The following CPS1 variants were observed in gnomAD, a reference collection of about 807,000 sequenced individuals.
The protein encoded by CPS1 is carbamoyl-phosphate synthase 1.
Under a neutral mutation model 174.6 loss-of-function variants are expected in CPS1, and 109 were observed. The ratio of observed to expected loss-of-function variants is 0.62; its 90% CI spans 0.53 to 0.73. The LOEUF is 0.73. Ranked by LOEUF, CPS1 falls within the 30% of genes least tolerant of loss-of-function variation. CPS1 has a pLI of 0.00. For synonymous variants in CPS1, 637 were observed against 632.0 expected, an observed-to-expected ratio of 1.01 and a Z score of -0.12; for missense variants, 1,689 against 1,821.9, an observed-to-expected ratio of 0.93 and a Z score of 1.33.
rs1553718831 is a variant in CPS1 at position 210,497,893 on chromosome 2, C to CATATATATATCTAT, written c.3+20137_3+20138insCTATATATATATAT. 3.5e-5 allele frequency among the ~76,000 whole-genome samples: 3 copies of CATATATATATCTAT among 86,942 alleles called. No homozygotes were observed. The East Asian group carries it at 9.9e-4, about 29-fold the overall frequency. 57.0% of individuals were successfully genotyped at this position (86,942 alleles called of 152,430 possible). On this transcript the variant is annotated intron_variant, in intron 1 of 38. Transcript: ENST00000430249. ...TTTTTGGTAGAACAATATATACATA[C>CATATATATATCTAT]ATATATATATATATATATATATATA...
In CPS1 at chr2:210,594,602, T is replaced by G; in HGVS notation, c.1259T>G (p.Val420Gly). Residue 420 changes from valine (V) to glycine (G), a missense_variant, in exon 12 of 38, where the codon GTT (valine) becomes GGT (glycine). Coordinates refer to ENST00000233072, the MANE Select transcript of CPS1 (RefSeq NM_001875.5). Reference protein sequence around the residue: ...LPKPALVASRVEVSKVLILGS... With the variant: ...LPKPALVASRGEVSKVLILGS... ...AAGCCAGCACTAGTTGCATCTCGGG[T>G]TGAGGTCAGTATGTGGGCTTATTTT... 6.2e-7 allele frequency: 1 copy of G among 1,608,766 alleles called. No individual in the cohort carries two copies. The highest frequency in any genetic ancestry group is 8.5e-7 in the Non-Finnish European group (1 of 1,176,032).
At position 210,678,296 on chromosome 2, in the gene CPS1, A is replaced by C; in HGVS notation, c.*311A>C. 2.5e-6 allele frequency: 1 copy of C among 400,592 alleles called. No homozygotes were observed. The highest frequency in any genetic ancestry group is 4.7e-6 in the Non-Finnish European group (1 of 213,960). 24.8% of individuals were successfully genotyped at this position (400,592 alleles called of 1,614,324 possible). On this transcript the variant is annotated 3_prime_UTR_variant, in exon 38 of 38. Coordinates refer to ENST00000233072, the MANE Select transcript of CPS1 (RefSeq NM_001875.5). ...TTATGGTGCTGATTAATGGTGATCA[A>C]GGTAGGAAAAGTTGCTGTTCTATTT...
intron 1 of CPS1, among the ~76,000 whole-genome samples, chr2:210,551,391 C>T (rs990833050): frequency 6.6e-6 from 1 of 151,888 alleles, no homozygotes; most frequent in Non-Finnish European, 1.5e-5. Context: ...ATAACATTGG[C>T]CTAGAATATA....
At chr2:210,609,879 A>G (rs1008268680) in intron 19 of CPS1, among the ~76,000 whole-genome samples, 2 of 152,006 alleles carry the variant, frequency 1.3e-5, no homozygotes, top group African/African-American at 2.4e-5. Context: ...AGAAAAAGAA[A>G]TGCTTTACTG....
At position 210,647,993 on chromosome 2, in the gene CPS1, T is replaced by G. The variant is rs538878532; in HGVS notation, c.3272T>G (p.Ile1091Ser). ...LQIDRAEDRS[I>S]FSAVLDELKV... The stretch of plus-strand genomic sequence containing the variant: ...ATCGACAGGGCTGAGGATCGCTCCA[T>G]CTTCTCAGCTGTCTTGGATGAGCTG... The change falls in exon 26 of 38, where the codon ATC becomes AGC. Residue 1091 changes from isoleucine (I) to serine (S), a missense_variant. Ile to Ser is a moderately radical substitution (Grantham distance 142). Coordinates refer to ENST00000233072, the MANE Select transcript of CPS1 (RefSeq NM_001875.5). 4.3e-6 allele frequency: 7 copies of G among 1,614,052 alleles called. No homozygotes were observed. The Admixed American group carries it at 1.2e-4, about 27-fold the overall frequency.
At chr2:210,622,103 A>G (rs1401808025) in intron 21 of CPS1, among the ~76,000 whole-genome samples, 1 of 151,546 alleles carries the variant, frequency 6.6e-6, no homozygotes. Flanking sequence ...ATATATAATT[A>G]TATTCTTATA....
chr2:210,624,836 C>T (rs891560928), intron 21 of CPS1, among the ~76,000 whole-genome samples: 5 of 151,938 alleles, frequency 3.3e-5, no homozygotes, highest in African/African-American at 9.7e-5. Flanking sequence ...TCAGATGACT[C>T]ATAAAGTGCC....
intron 28 of CPS1, 52 bp downstream of exon 28, chr2:210,650,490 G>T: frequency 8.2e-7 from 1 of 1,223,888 alleles, no homozygotes; most frequent in South Asian, 1.2e-5. Flanking sequence ...AACATGTAGT[G>T]ACATTTATCT....
chr2:210,509,979 C>T (rs1160219630), intron 1 of CPS1, among the ~76,000 whole-genome samples: 1 of 152,078 alleles, frequency 6.6e-6, no homozygotes, highest in East Asian at 1.9e-4. Flanking sequence ...TCAATGCCAT[C>T]CCCATCAAGC....
chr2:210,509,769 C>T (rs1484878366), intron 1 of CPS1, among the ~76,000 whole-genome samples: 1 of 152,062 alleles, frequency 6.6e-6, no homozygotes, highest in African/African-American at 2.4e-5. Flanking sequence ...GAGTGAACTC[C>T]CATTCACAAT....
Position 210,583,935 on chromosome 2 carries a change from C to T in CPS1, c.621+1226C>T, listed in dbSNP as rs4399666. ...CAAGAACAGATACGGCAACCTAGGC[C>T]GCTTATACAAATGGGAGGAAGAGGG... On this transcript the variant is annotated intron_variant, in intron 6 of 37. Coordinates refer to ENST00000233072, the MANE Select transcript of CPS1 (RefSeq NM_001875.5). 2.6e-5 allele frequency among the ~76,000 whole-genome samples: 4 copies of T among 152,040 alleles called. No individual in the cohort carries two copies. The East Asian group carries it at 7.8e-4, about 29-fold the overall frequency.
At chr2:210,597,083 C>T (rs780001006) in intron 13 of CPS1, among the ~76,000 whole-genome samples, 9 of 151,774 alleles carry the variant, frequency 5.9e-5, no homozygotes, top group African/African-American at 1.4e-4. Flanking sequence ...TATAAAAAAT[C>T]GCCATATTCA....
intron 33 of CPS1, among the ~76,000 whole-genome samples, chr2:210,664,635 G>A (rs1701033219): frequency 6.6e-6 from 1 of 152,162 alleles, no homozygotes; most frequent in African/African-American, 2.4e-5. Flanking sequence ...TCTTTAGCAT[G>A]GCAAATTTGT....
chr2:210,623,329 G>A (rs748814972), intron 21 of CPS1, among the ~76,000 whole-genome samples: 17 of 151,906 alleles, frequency 1.1e-4, no homozygotes, highest in African/African-American at 3.4e-4. Context: ...GCTAAAATTT[G>A]TATTTGTTTC....
intron 1 of CPS1, among the ~76,000 whole-genome samples, chr2:210,514,425 A>AT (rs752583834): frequency 3.0e-4 from 45 of 150,504 alleles, no homozygotes; most frequent in East Asian, 1.4e-3. Flanking sequence ...ATTCCTAGGT[A>AT]TTTTTTTTTG....
chr2:210,661,472 G>A (rs368513052), intron 32 of CPS1, among the ~76,000 whole-genome samples: 26 of 152,246 alleles, frequency 1.7e-4, no homozygotes, highest in South Asian at 6.2e-4. Flanking sequence ...AAAGGTTTCC[G>A]TTCCTATATG....
intron 1 of CPS1, among the ~76,000 whole-genome samples, chr2:210,497,558 C>T (rs1249696326): frequency 2.0e-5 from 3 of 151,964 alleles, no homozygotes; most frequent in Non-Finnish European, 4.4e-5. Context: ...CTCCCCACTC[C>T]AACAGTCTTC....
intron 1 of CPS1, among the ~76,000 whole-genome samples, chr2:210,485,273 G>A (rs999695164): frequency 1.1e-4 from 17 of 151,152 alleles, no homozygotes; most frequent in African/African-American, 4.1e-4. Context: ...TAGATCTTAT[G>A]AGACATAATG....
At chr2:210,590,507 T>C (rs1032189031) in intron 8 of CPS1, among the ~76,000 whole-genome samples, 1 of 152,022 alleles carries the variant, frequency 6.6e-6, no homozygotes, top group Non-Finnish European at 1.5e-5. Context: ...TATTTTGCTT[T>C]ACAGTTTTAA....
Sources: gnomAD v4.1 joint callset for allele counts (sites outside exome capture counted in the v4.1 genomes callset) on GRCh38, gnomAD v4.1.1 for gene constraint, MANE v1.5 for transcripts, NCBI Gene and HGNC (gene_info 2026-07-23, HGNC 2026-07-21) for gene names.